Variants in CACHD1 observed in about 807,000 individuals in gnomAD.
CACHD1 encodes VWFA and cache domain-containing protein 1.
Under a neutral mutation model 138.7 loss-of-function variants are expected in CACHD1, and 71 were observed. The ratio of observed to expected loss-of-function variants is 0.51; its 90% CI spans 0.42 to 0.62. CACHD1 has a LOEUF of 0.62. Ranked by LOEUF, CACHD1 falls within the 20% of genes least tolerant of loss-of-function variation. The pLI is 0.00. For missense variants in CACHD1, 1,389 were observed against 1,625.3 expected (o/e 0.85, Z 2.50); for synonymous variants, 578 against 591.5 (o/e 0.98, Z 0.33).
At chr1:64,541,738 G>C (rs1268033360) in intron 1 of CACHD1, among the ~76,000 whole-genome samples, 1 of 152,142 alleles carries the variant, frequency 6.6e-6, no homozygotes, top group Non-Finnish European at 1.5e-5. Flanking sequence ...AGGCTGAGGC[G>C]AGAGGATCAC....
rs370129207 is a variant in CACHD1, at chr1:64,543,866, C to CTTTTTTTTTTTT, written c.199-6716_199-6705dup. On this transcript the variant is annotated intron_variant, in intron 1 of 26. Coordinates refer to ENST00000651257, the MANE Select transcript of CACHD1 (RefSeq NM_020925.4). Reference sequence around the variant, plus strand: ...GTTTTCATTAATTACCTTTTCAGTGCTTTTTTTTTTTTTTTTTTTTTTTGG... The same window carrying CTTTTTTTTTTTT: ...GTTTTCATTAATTACCTTTTCAGTGCTTTTTTTTTTTTTTTTTTTTTTTTTTTTTTTTTTTGG... Among the ~76,000 whole-genome samples the CTTTTTTTTTTTT allele has an allele frequency of 1.5e-4, 12 of 77,510 alleles. 1 individual carries two copies. Among genetic ancestry groups the CTTTTTTTTTTTT allele is most frequent in the Non-Finnish European group, 2.3e-4 (10 of 42,644 alleles). 50.8% of individuals were successfully genotyped at this position (77,510 alleles called of 152,430 possible). A position where few individuals can be genotyped will look rare whatever the true frequency, so the allele number is the denominator to read the frequency against.
intron 1 of CACHD1, among the ~76,000 whole-genome samples, chr1:64,546,243 C>G (rs1383851368): frequency 6.6e-6 from 1 of 152,118 alleles, no homozygotes; most frequent in Non-Finnish European, 1.5e-5. Flanking sequence ...CCTGCCTACC[C>G]TAACCCTGTT....
intron 1 of CACHD1, among the ~76,000 whole-genome samples, chr1:64,519,986 T>C (rs1646486540): frequency 6.6e-6 from 1 of 152,232 alleles, no homozygotes; most frequent in Non-Finnish European, 1.5e-5. Context: ...TATCAGCCAG[T>C]AGGCACAAAA....
intron 1 of CACHD1, among the ~76,000 whole-genome samples, chr1:64,547,871 C>T (rs1646729826): frequency 6.6e-6 from 1 of 152,196 alleles, no homozygotes; most frequent in Non-Finnish European, 1.5e-5. Flanking sequence ...CCTAACACAT[C>T]CCCTTTCACT....
intron 2 of CACHD1, among the ~76,000 whole-genome samples, chr1:64,556,556 A>C (rs917042878): frequency 3.3e-5 from 5 of 152,164 alleles, no homozygotes; most frequent in African/African-American, 7.2e-5. Flanking sequence ...TGTGCATACT[A>C]TCTAACTTGG....
At chr1:64,521,961 T>C (rs1296870596) in intron 1 of CACHD1, among the ~76,000 whole-genome samples, 4 of 117,742 alleles carry the variant, frequency 3.4e-5, no homozygotes, top group Non-Finnish European at 7.0e-5. Context: ...ACAAAAGTTT[T>C]TAATTTCGAC....
chr1:64,624,083 G>A (rs1436756), intron 4 of CACHD1, among the ~76,000 whole-genome samples: 106,902 of 152,130 alleles, frequency 0.7, 38,376 homozygotes, highest in Non-Finnish European at 0.78. Context: ...GAGAGGGGCC[G>A]CCTGGGATGC....
intron 1 of CACHD1, among the ~76,000 whole-genome samples, chr1:64,507,810 C>T (rs889826897): frequency 1.3e-5 from 2 of 152,166 alleles, no homozygotes; most frequent in Non-Finnish European, 1.5e-5. Flanking sequence ...TGAGTTCAAA[C>T]CACCAGTATG....
chr1:64,651,610 G>A (rs887758475), intron 9 of CACHD1, among the ~76,000 whole-genome samples: 5 of 152,186 alleles, frequency 3.3e-5, no homozygotes, highest in Admixed American at 6.5e-5. Flanking sequence ...AGCTATGATC[G>A]CACCACTGCA....
At chr1:64,515,607 C>G (rs906184965) in intron 1 of CACHD1, among the ~76,000 whole-genome samples, 1 of 152,134 alleles carries the variant, frequency 6.6e-6, no homozygotes, top group African/African-American at 2.4e-5. Context: ...TATGCAACAG[C>G]TGTAGTTGTG....
Position 64,675,989 on chromosome 1 carries a change from A to C in CACHD1, c.2975+6A>C. On this transcript the variant is annotated splice_donor_region_variant and intron_variant, in intron 21 of 26. Transcript: ENST00000651257. Reference sequence around the variant, plus strand: ...CTCACCAATGCAGAGAACCGGTAAAATAATTAATAATAATAATAATAATAA... The same window carrying C: ...CTCACCAATGCAGAGAACCGGTAAACTAATTAATAATAATAATAATAATAA... 1 of 707,450 alleles carries C rather than the reference A, an allele frequency of 1.4e-6. No homozygotes were observed. Among genetic ancestry groups the C allele is most frequent in the Non-Finnish European group, 2.0e-6 (1 of 503,960 alleles). 43.8% of individuals were successfully genotyped at this position (707,450 alleles called of 1,614,324 possible).
rs776692034 is a variant in CACHD1, at chr1:64,609,157, C to T, written c.517+6245C>T. ...TCCTTCTATGAATGATAATGAGTAG[C>T]TATGTACTATGTGCTATAGGTTTTT... On this transcript the variant is annotated intron_variant, in intron 4 of 26. Coordinates refer to ENST00000651257, the MANE Select transcript of CACHD1 (RefSeq NM_020925.4). Among the ~76,000 whole-genome samples, 9 of 152,074 alleles carry T rather than the reference C, an allele frequency of 5.9e-5. No individual in the cohort carries two copies. The East Asian group carries it at 1.7e-3, about 29-fold the overall frequency.
rs777904457 is a variant in CACHD1, at chr1:64,479,086, G to A, written c.198+8144G>A. ...AGTGTCTGGGTTAGAATTATTCAGCGGGTTACAAAAAGAAAATGCAGTGCT... is the reference window on the plus strand; with the variant it reads ...AGTGTCTGGGTTAGAATTATTCAGCAGGTTACAAAAAGAAAATGCAGTGCT... On this transcript the variant is annotated intron_variant, in intron 1 of 26. Transcript: ENST00000651257. 1.1e-4 allele frequency among the ~76,000 whole-genome samples: 16 copies of A among 152,262 alleles called. 6 individuals carry two copies.
intron 1 of CACHD1, chr1:64,505,863 C>T (rs1646370932): frequency 7.0e-6 from 1 of 142,762 alleles, no homozygotes; most frequent in Non-Finnish European, 1.5e-5. Flanking sequence ...CGCCCCGCCC[C>T]GCCCCGCCCC....
At chr1:64,555,287 G>A (rs1646788996) in intron 2 of CACHD1, among the ~76,000 whole-genome samples, 1 of 152,114 alleles carries the variant, frequency 6.6e-6, no homozygotes, top group African/African-American at 2.4e-5. Context: ...ACTGCAGCTG[G>A]CCTCATTTTA....
At chr1:64,534,571 A>G (rs1446238697) in intron 1 of CACHD1, among the ~76,000 whole-genome samples, 1 of 152,200 alleles carries the variant, frequency 6.6e-6, no homozygotes, top group Non-Finnish European at 1.5e-5. Flanking sequence ...TTTGGATGGA[A>G]TGTCCCTTCC....
intron 21 of CACHD1, 124 bp downstream of exon 21, chr1:64,676,107 T>C (rs1298911660): frequency 1.8e-5 from 6 of 328,516 alleles, no homozygotes; most frequent in Non-Finnish European, 3.1e-5. Flanking sequence ...TGATTCATTC[T>C]AATGATAGAA....
intron 4 of CACHD1, among the ~76,000 whole-genome samples, chr1:64,608,936 A>T (rs889542674): frequency 1.3e-5 from 2 of 152,182 alleles, no homozygotes; most frequent in African/African-American, 4.8e-5. Context: ...AAGCGTCTGG[A>T]CTTTCTTTAT....
chr1:64,509,111 T>TCA (rs1646399460), intron 1 of CACHD1, among the ~76,000 whole-genome samples: 1 of 152,222 alleles, frequency 6.6e-6, no homozygotes, highest in African/African-American at 2.4e-5. Flanking sequence ...ACTCTCTTTT[T>TCA]TTCTCTGTTA....
Sources: allele counts gnomAD v4.1 joint callset (sites outside exome capture counted in the v4.1 genomes callset), GRCh38; gene constraint gnomAD v4.1.1; transcripts MANE v1.5; gene names NCBI Gene and HGNC (gene_info 2026-07-23, HGNC 2026-07-21).